The following EML1 variants were observed in gnomAD, a reference collection of about 807,000 sequenced individuals.
The protein encoded by EML1 is EMAP like 1.
In EML1, 27 loss-of-function variants were observed where a neutral mutation model predicts 110.4. The observed-to-expected ratio is 0.24, with a 90% confidence interval of 0.18 to 0.34. The LOEUF (loss-of-function observed/expected upper bound fraction) is 0.34. Among genes scored for constraint, EML1 ranks in the 10% least tolerant of loss-of-function variants. The pLI, the probability that EML1 is intolerant of heterozygous loss-of-function variation, is 1.00. For synonymous variants in EML1, 344 were observed against 385.8 expected (o/e 0.89, Z 1.27); for missense variants, 741 against 1,030.9 (o/e 0.72, Z 3.85).
chr14:99,838,551 A>G (rs1384542333), intron 1 of EML1, among the ~76,000 whole-genome samples: 1 of 152,030 alleles, frequency 6.6e-6, no homozygotes, highest in South Asian at 2.1e-4. Context: ...CTCCATCTGC[A>G]TAATTTTAAT....
chr14:99,896,523 G>T (rs1477795080), intron 6 of EML1, among the ~76,000 whole-genome samples: 1 of 152,144 alleles, frequency 6.6e-6, no homozygotes, highest in Non-Finnish European at 1.5e-5. Context: ...CATTTATTCA[G>T]CCTACTTCCT....
chr14:99,807,286 G>C (rs2057994125), intron 1 of EML1, among the ~76,000 whole-genome samples: 1 of 152,222 alleles, frequency 6.6e-6, no homozygotes, highest in Admixed American at 6.5e-5. Flanking sequence ...CCTTGATTCT[G>C]CTGTTCAATG....
At chr14:99,901,247 A>G (rs577828206) in intron 9 of EML1, among the ~76,000 whole-genome samples, 33 of 152,202 alleles carry the variant, frequency 2.2e-4, no homozygotes, top group Non-Finnish European at 4.3e-4. Flanking sequence ...CCAATCAGAC[A>G]TCTCCAGCCA....
At chr14:99,918,468 A>G (rs560810345) in intron 16 of EML1, among the ~76,000 whole-genome samples, 1 of 152,316 alleles carries the variant, frequency 6.6e-6, no homozygotes, top group East Asian at 1.9e-4. Flanking sequence ...CTGTGGGAGA[A>G]GCCTTGATTT....
At position 99,781,526 on chromosome 14, in the gene EML1, C is replaced by A. The variant is rs1181681087; in HGVS notation, c.-27+7513C>A. On this transcript the variant is annotated intron_variant, in intron 1 of 22. Transcript: ENST00000327921. This position sits in a 1 kb window ranked among gnomAD's most constrained non-coding sequence, Gnocchi z 4.2. ...GCTGGGAGGATGGCTGCCAGCCCAA[C>A]CCAGGCTCACACCACCTCACCTGGA... is the stretch of plus-strand genomic sequence containing the variant. 2.0e-5 allele frequency among the ~76,000 whole-genome samples: 3 copies of A among 152,212 alleles called. No individual in the cohort carries two copies. The highest frequency in any genetic ancestry group is 4.4e-5 in the Non-Finnish European group (3 of 68,036).
chr14:99,895,198 A>C (rs1318242139), intron 6 of EML1, among the ~76,000 whole-genome samples: 1 of 152,122 alleles, frequency 6.6e-6, no homozygotes, highest in Non-Finnish European at 1.5e-5. Context: ...GAACAGTGAA[A>C]ATAATCAAGA....
In EML1 at chr14:99,878,602, C is replaced by G. The variant is rs771530759; in HGVS notation, c.501C>G (p.Gly167=). 2 of 1,612,938 alleles carry G rather than the reference C, an allele frequency of 1.2e-6. No homozygotes were observed. Among genetic ancestry groups the G allele is most frequent in the Admixed American group, 3.4e-5 (2 of 59,692 alleles). ...RTGSTSSSSS[G]KKNSESKPKE... is the part of the protein sequence containing the mutation. ...GCTCCACCAGCAGCTCTTCCAGTGG[C>G]AAAAAGAACAGTGAAAGGTAAGGAC... The change falls in exon 4 of 22, where the codon GGC becomes GGG. Residue 167 remains glycine, a synonymous_variant. Transcript: ENST00000262233.
chr14:99,932,709 G>A (rs907474536), intron 17 of EML1, among the ~76,000 whole-genome samples: 8 of 151,118 alleles, frequency 5.3e-5, no homozygotes, highest in Admixed American at 3.3e-4. Flanking sequence ...AAAACTCCTC[G>A]AACCATGCAC....
Position 99,916,987 on chromosome 14 carries a change from A to C in EML1, c.1753-795A>C, listed in dbSNP as rs188576475. 2.4e-3 allele frequency among the ~76,000 whole-genome samples: 369 copies of C among 152,234 alleles called. 3 individuals carry two copies. Among genetic ancestry groups the C allele is most frequent in the Non-Finnish European group, 2.6e-3 (180 of 68,026 alleles). ...GATGACTGTGTGTGTGTTCCACTGG[A>C]TCAAAACCTAGAACATGCCTTGCTC... On this transcript the variant is annotated intron_variant, in intron 15 of 21. Transcript: ENST00000262233.
intron 2 of EML1, among the ~76,000 whole-genome samples, 173 bp downstream of exon 2, chr14:99,851,208 C>G (rs1451772542): frequency 2.0e-5 from 3 of 152,100 alleles, no homozygotes; most frequent in Non-Finnish European, 4.4e-5. Context: ...TATTTTGGGG[C>G]TTGATGTTGG....
intron 9 of EML1, 87 bp from the exon 10 acceptor site, chr14:99,907,551 A>C: frequency 8.3e-7 from 1 of 1,199,644 alleles, no homozygotes; most frequent in South Asian, 1.4e-5. Context: ...ACTCTTTATT[A>C]AAAATGAAAT....
intron 1 of EML1, chr14:99,809,760 CAT>C (rs1595316114): frequency 6.6e-6 from 3 of 455,376 alleles, no homozygotes; most frequent in Admixed American, 4.7e-5. Flanking sequence ...TGAATTGAAA[CAT>C]GTGGCTTTTA....
At chr14:99,924,159 T>A (rs1249725088) in intron 17 of EML1, among the ~76,000 whole-genome samples, 2 of 148,940 alleles carry the variant, frequency 1.3e-5, no homozygotes, top group East Asian at 3.9e-4. Flanking sequence ...CTTCCTTTGT[T>A]AAATTTATTC....
intron 1 of EML1, among the ~76,000 whole-genome samples, chr14:99,742,574 C>A (rs543005097): frequency 6.6e-6 from 1 of 152,046 alleles, no homozygotes; most frequent in African/African-American, 2.4e-5. Context: ...GGTGCTGGGA[C>A]GGTGCAGTGG....
chr14:99,809,193 T>C (rs1431255621), intron 1 of EML1, among the ~76,000 whole-genome samples: 2 of 152,228 alleles, frequency 1.3e-5, no homozygotes, highest in Non-Finnish European at 2.9e-5. Context: ...TTGAAAATTG[T>C]TATGCCCTGC....
chr14:99,908,640 G>T (rs2059895563), intron 10 of EML1, among the ~76,000 whole-genome samples: 1 of 152,202 alleles, frequency 6.6e-6, no homozygotes, highest in African/African-American at 2.4e-5. Context: ...TAGAAGCAGT[G>T]ATCAGAGCCC....
chr14:99,856,279 A>G (rs1276741788), intron 2 of EML1, among the ~76,000 whole-genome samples: 1 of 152,134 alleles, frequency 6.6e-6, no homozygotes, highest in Non-Finnish European at 1.5e-5. Context: ...CATTATTCAC[A>G]TTAAACCAAA....
intron 1 of EML1, 134 bp downstream of exon 1, chr14:99,793,677 GGC>G: frequency 1.6e-6 from 1 of 616,940 alleles, no homozygotes; most frequent in Non-Finnish European, 2.0e-6. Flanking sequence ...GTTGCGGAGG[GGC>G]GCGCGGTCCC....
intron 1 of EML1, 86 bp downstream of exon 1, chr14:99,793,629 C>T: frequency 3.2e-6 from 3 of 943,948 alleles, no homozygotes; most frequent in Admixed American, 6.3e-5. Flanking sequence ...AGCCGAGGGG[C>T]CGAGGCCCGG....
Sources: allele counts gnomAD v4.1 joint callset (sites outside exome capture counted in the v4.1 genomes callset), GRCh38; gene constraint gnomAD v4.1.1; non-coding constraint Gnocchi (gnomAD v3.1); transcripts MANE v1.5; gene names NCBI Gene and HGNC (gene_info 2026-07-23, HGNC 2026-07-21).